The following AFF3 variants were observed in gnomAD, a reference collection of about 807,000 sequenced individuals.
AFF3 encodes AF4/FMR2 family member 3.
In AFF3, 32 loss-of-function variants were observed where a neutral mutation model predicts 129.7. The observed-to-expected ratio is 0.25, with a 90% CI of 0.19 to 0.33. The LOEUF is 0.33. AFF3 is among the 10% of genes least tolerant of loss of function. The probability of loss-of-function intolerance (pLI) is 1.00; values close to 1 mark genes in which losing one functional copy is unlikely to be tolerated. For missense variants in AFF3, 1,373 were observed against 1,592.0 expected (o/e 0.86, Z 2.34); for synonymous variants, 644 against 635.4 (o/e 1.01, Z -0.20).
intron 8 of AFF3, among the ~76,000 whole-genome samples, chr2:99,793,767 TTTTTAA>T (rs1685372503): frequency 6.6e-6 from 1 of 152,194 alleles, no homozygotes. Context: ...CCATTTTCTA[TTTTTAA>T]TGAGTTCTGC....
intron 20 of AFF3, among the ~76,000 whole-genome samples, chr2:99,564,422 G>C (rs1189257732): frequency 6.6e-6 from 1 of 152,026 alleles, no homozygotes; most frequent in Non-Finnish European, 1.5e-5. Context: ...CATCACTACT[G>C]AAAGTAATGT....
chr2:100,140,586 A>G (rs2105618014), intron 1 of AFF3, among the ~76,000 whole-genome samples: 1 of 152,332 alleles, frequency 6.6e-6, no homozygotes, highest in East Asian at 1.9e-4. Context: ...GCTCAGATAC[A>G]ATAACAAAAT....
Position 100,007,282 on chromosome 2 carries a change from G to A in AFF3, c.353C>T (p.Ala118Val). The A allele has an allele frequency of 6.2e-7, 1 of 1,614,080 alleles. No homozygotes were observed. Among genetic ancestry groups the A allele is most frequent in the Non-Finnish European group, 8.5e-7 (1 of 1,180,014 alleles). ...ACAGATAGACGAGGGCTGGTTCTGGGCTCTTGAATCTGCAACAAAATGTTC... is the reference window on the plus strand; with the variant it reads ...ACAGATAGACGAGGGCTGGTTCTGGACTCTTGAATCTGCAACAAAATGTTC... ...IDEHFVADSRAQNQPSSICST... is the reference protein window; with the variant it reads ...IDEHFVADSRVQNQPSSICST... Residue 118 changes from alanine (A) to valine (V), a missense_variant, in exon 6 of 25, where the codon GCC becomes GTC. Around this residue, in one of 9 missense-constraint regions of AFF3, gnomAD observed 255 missense variants for 256.0 expected, o/e 1.00. Coordinates refer to ENST00000672756, the MANE Select transcript of AFF3 (RefSeq NM_001386135.1).
At chr2:100,014,749 T>G (rs577225481) in intron 4 of AFF3, among the ~76,000 whole-genome samples, 51 of 151,192 alleles carry the variant, frequency 3.4e-4, no homozygotes, top group African/African-American at 1.2e-3. Flanking sequence ...GGCGGTTATG[T>G]TACTCTCTCC....
intron 7 of AFF3, among the ~76,000 whole-genome samples, chr2:99,990,605 G>A (rs181114936): frequency 3.9e-5 from 6 of 152,202 alleles, no homozygotes; most frequent in African/African-American, 1.4e-4. Context: ...GGAAGAAAGA[G>A]GTGAAACTGG....
intron 11 of AFF3, among the ~76,000 whole-genome samples, chr2:99,674,793 A>G (rs1244818216): frequency 6.6e-6 from 1 of 152,248 alleles, no homozygotes; most frequent in East Asian, 1.9e-4. Context: ...GAAGTGAGGG[A>G]GCTTGGGTTG....
rs369974372 is a variant in AFF3 at position 99,675,525 on chromosome 2, T to A, written c.1092-2936A>T. Among the ~76,000 whole-genome samples the A allele has an allele frequency of 4.4e-4, 67 of 152,316 alleles. 1 individual carries two copies. Among genetic ancestry groups the A allele is most frequent in the African/African-American group, 1.6e-3 (66 of 41,568 alleles). On this transcript the variant is annotated intron_variant, in intron 11 of 24. Coordinates refer to ENST00000672756, the MANE Select transcript of AFF3 (RefSeq NM_001386135.1). Reference sequence around the variant, plus strand: ...GTCATGAGCAGGCCCTTGGCTCAACTCCCTAGCAAACGGCGCTTGTTCTTG... The same window carrying A: ...GTCATGAGCAGGCCCTTGGCTCAACACCCTAGCAAACGGCGCTTGTTCTTG...
intron 4 of AFF3, among the ~76,000 whole-genome samples, chr2:100,040,463 A>G (rs899676656): frequency 1.3e-5 from 2 of 152,202 alleles, no homozygotes; most frequent in Non-Finnish European, 2.9e-5. Context: ...TCCTCTTCTC[A>G]GTTAAGAGGC....
chr2:99,789,726 T>C lies in AFF3; in HGVS notation c.922-37425A>G, dbSNP rs565292575. Among the ~76,000 whole-genome samples the C allele has an allele frequency of 8.5e-4, 129 of 152,272 alleles. No individual in the cohort carries two copies. The Middle Eastern group carries it at 0.014, about 16-fold the overall frequency. ...ATGTCAGGAGAGGCTGGGAATGATA[T>C]TGCTCGAGGATTCGGAGGCTGCTTC... is the stretch of plus-strand genomic sequence containing the variant. On this transcript the variant is annotated intron_variant, in intron 8 of 24. Transcript: ENST00000672756.
intron 4 of AFF3, among the ~76,000 whole-genome samples, chr2:100,052,056 G>A (rs908769549): frequency 6.6e-6 from 1 of 152,208 alleles, no homozygotes; most frequent in Admixed American, 6.5e-5. Context: ...ACTGCAGAGG[G>A]TGGGGGGCAG....
At chr2:99,910,906 T>C (rs1430399269) in intron 7 of AFF3, among the ~76,000 whole-genome samples, 1 of 152,264 alleles carries the variant, frequency 6.6e-6, no homozygotes, top group African/African-American at 2.4e-5. Context: ...GAGCTAACAT[T>C]AGACACTTCT....
chr2:99,828,658 G>C (rs1451802017), intron 8 of AFF3, among the ~76,000 whole-genome samples: 2 of 152,238 alleles, frequency 1.3e-5, no homozygotes, highest in Non-Finnish European at 2.9e-5. Flanking sequence ...AGTGCCCTTA[G>C]GGAATTTGAT....
At position 99,757,740 on chromosome 2, in the gene AFF3, C is replaced by T. The variant is rs182683596; in HGVS notation, c.922-5439G>A. Among the ~76,000 whole-genome samples the T allele has an allele frequency of 1.6e-4, 24 of 152,304 alleles. 1 individual carries two copies. The East Asian group carries it at 4.6e-3, about 29-fold the overall frequency. On this transcript the variant is annotated intron_variant, in intron 8 of 24. Coordinates refer to ENST00000672756, the MANE Select transcript of AFF3 (RefSeq NM_001386135.1). ...GCTGAGATCCCCTGAATATACCACGCTTTGCACATGCTGGTAGCACCTCCC... is the reference window on the plus strand; with the variant it reads ...GCTGAGATCCCCTGAATATACCACGTTTTGCACATGCTGGTAGCACCTCCC...
At chr2:99,659,538 G>A (rs1395396947) in intron 12 of AFF3, among the ~76,000 whole-genome samples, 1 of 152,164 alleles carries the variant, frequency 6.6e-6, no homozygotes, top group Non-Finnish European at 1.5e-5. Flanking sequence ...TCACTAGAAT[G>A]GGCAGGTCTT....
intron 2 of AFF3, among the ~76,000 whole-genome samples, chr2:100,123,260 G>A (rs887998822): frequency 3.9e-5 from 6 of 152,188 alleles, no homozygotes; most frequent in Non-Finnish European, 8.8e-5. Flanking sequence ...GATGCCTTCT[G>A]ACTGTAAGCG....
At chr2:100,093,938 A>T (rs1166637240) in intron 4 of AFF3, among the ~76,000 whole-genome samples, 1 of 152,200 alleles carries the variant, frequency 6.6e-6, no homozygotes, top group East Asian at 1.9e-4. Context: ...TTATCCATCA[A>T]AACAGAGGGC....
intron 2 of AFF3, among the ~76,000 whole-genome samples, chr2:100,122,039 G>A (rs997925695): frequency 2.0e-5 from 3 of 152,164 alleles, no homozygotes; most frequent in Non-Finnish European, 2.9e-5. Context: ...TCCGCAGTCC[G>A]GCCTGGGTGA....
chr2:99,753,658 G>A (rs572274926), intron 8 of AFF3, among the ~76,000 whole-genome samples: 1 of 152,116 alleles, frequency 6.6e-6, no homozygotes, highest in South Asian at 2.1e-4. Flanking sequence ...CACACAGGAA[G>A]CCGTGGGAGG....
At chr2:99,744,285 A>T (rs1680957877) in intron 9 of AFF3, 145 bp from the exon 10 acceptor site, 1 of 626,488 alleles carries the variant, frequency 1.6e-6, no homozygotes, top group Admixed American at 3.2e-5. Flanking sequence ...AAACATATAC[A>T]TGAAGGTGGA....
Sources: allele counts gnomAD v4.1 joint callset (sites outside exome capture counted in the v4.1 genomes callset), GRCh38; gene constraint gnomAD v4.1.1; regional missense constraint gnomAD v4.1.1; transcripts MANE v1.5; gene names NCBI Gene and HGNC (gene_info 2026-07-23, HGNC 2026-07-21).